Variants in IRAG1 observed in about 807,000 individuals in gnomAD.
The protein encoded by IRAG1 is inositol 1,4,5-triphosphate receptor associated 1.
Under a neutral mutation model 106.2 loss-of-function variants are expected in IRAG1, and 62 were observed. The observed-to-expected ratio is 0.58, with a 90% CI of 0.48 to 0.72. IRAG1 has a LOEUF of 0.72. Ranked by LOEUF, IRAG1 falls within the 30% of genes least tolerant of loss-of-function variation. The pLI, the probability that IRAG1 is intolerant of heterozygous loss-of-function variation, is 0.00. For synonymous variants in IRAG1, 462 were observed against 443.9 expected, an observed-to-expected ratio of 1.04 and a Z score of -0.51; for missense variants, 1,064 against 1,140.7, an observed-to-expected ratio of 0.93 and a Z score of 0.97.
chr11:10,634,753 T>TTGTGTGTGTGTGTGTGTGTGTGTGTG (rs57266330), intron 2 of IRAG1, among the ~76,000 whole-genome samples: 4 of 144,936 alleles, frequency 2.8e-5, no homozygotes, highest in South Asian at 4.6e-4. Flanking sequence ...AATAATATTC[T>TTGTGTGTGTGTGTGTGTGTGTGTGTG]TGTGTGTGTG....
chr11:10,589,746 C>T (rs1175893892), intron 18 of IRAG1, among the ~76,000 whole-genome samples: 1 of 152,162 alleles, frequency 6.6e-6, no homozygotes, highest in Non-Finnish European at 1.5e-5. Flanking sequence ...CCTTAATCCC[C>T]ACTCTGTCCA....
intron 16 of IRAG1, chr11:10,593,845 T>A: frequency 1.7e-6 from 1 of 573,058 alleles, no homozygotes; most frequent in Admixed American, 3.1e-5. Context: ...AGATACAGAA[T>A]GGAAATGACC....
intron 2 of IRAG1, 112 bp from the exon 3 acceptor site, chr11:10,634,183 G>A (rs1856956519): frequency 5.4e-6 from 3 of 552,938 alleles, no homozygotes; most frequent in Non-Finnish European, 9.7e-6. Flanking sequence ...TCTTGATAAG[G>A]GGACAAATGC....
At chr11:10,623,878 T>G in intron 9 of IRAG1, 22 bp from the exon 10 acceptor site, 2 of 1,605,616 alleles carry the variant, frequency 1.2e-6, no homozygotes, top group Admixed American at 1.7e-5. Flanking sequence ...AAGAAAGAGA[T>G]AACAATTTCA....
intron 12 of IRAG1, 35 bp downstream of exon 12, chr11:10,606,707 G>A: frequency 6.3e-7 from 1 of 1,580,740 alleles, no homozygotes; most frequent in South Asian, 1.2e-5. Flanking sequence ...GTCAAGCACG[G>A]GCACTAAATT....
Position 10,659,262 on chromosome 11 carries a change from G to A in IRAG1, c.68-7080C>T, listed in dbSNP as rs1859208955. ...TGTGCTGTGCTGAACAAGTGGGTAA[G>A]TGAGTGACTGAAGGGGGTACAGCCA... is the stretch of plus-strand genomic sequence containing the variant. On this transcript the variant is annotated intron_variant, in intron 1 of 20. Transcript: ENST00000423302. The surrounding 1 kb of genome is among the most constrained non-coding windows in gnomAD (Gnocchi z 4.1). Among the ~76,000 whole-genome samples, 1 of 152,212 alleles carries A rather than the reference G, an allele frequency of 6.6e-6. No homozygotes were observed. The highest frequency in any genetic ancestry group is 2.1e-4 in the South Asian group (1 of 4,834).
At chr11:10,622,274 A>C (rs574101015) in intron 10 of IRAG1, among the ~76,000 whole-genome samples, 3 of 152,184 alleles carry the variant, frequency 2.0e-5, no homozygotes, top group African/African-American at 7.2e-5. Flanking sequence ...GAGGAGGGAG[A>C]TAGCCCAGCA....
At position 10,693,716 on chromosome 11, in the gene IRAG1, T is replaced by C; in HGVS notation, c.-114A>G. ...GCTGGGACTTAGAGCCGAGAGCTCC[T>C]CTGGGAGCCCCACTCCGGCCTGGCT... On this transcript the variant is annotated 5_prime_UTR_variant, in exon 1 of 21. Coordinates refer to ENST00000423302, the MANE Select transcript of IRAG1 (RefSeq NM_130385.4). 1 of 1,261,248 alleles carries C rather than the reference T, an allele frequency of 7.9e-7. No homozygotes were observed. Among genetic ancestry groups the C allele is most frequent in the Non-Finnish European group, 1.1e-6 (1 of 914,032 alleles). 78.1% of individuals were successfully genotyped at this position (1,261,248 alleles called of 1,614,324 possible).
At chr11:10,629,982 G>A (rs1856563436) in intron 4 of IRAG1, 1 of 405,568 alleles carries the variant, frequency 2.5e-6, no homozygotes, top group Middle Eastern at 6.6e-4. Context: ...CTGTCAGGAA[G>A]GGAAGGCCAC....
At chr11:10,599,788 G>C (rs1230305651) in intron 15 of IRAG1, 1 of 152,138 alleles carries the variant, frequency 6.6e-6, no homozygotes. Flanking sequence ...CTGGTCCAAG[G>C]CACCAACCTC....
At chr11:10,688,492 G>T (rs1222803789) in intron 1 of IRAG1, among the ~76,000 whole-genome samples, 1 of 152,148 alleles carries the variant, frequency 6.6e-6, no homozygotes, top group African/African-American at 2.4e-5. Flanking sequence ...ATCAGCCACA[G>T]AACTCTCTGT....
chr11:10,675,752 T>C (rs1269547417), intron 1 of IRAG1, among the ~76,000 whole-genome samples: 2 of 152,210 alleles, frequency 1.3e-5, no homozygotes, highest in East Asian at 1.9e-4. Context: ...GACTGACAAA[T>C]GCCCCTTCAT....
In IRAG1 at chr11:10,638,602, A is replaced by C. The variant is rs143438323; in HGVS notation, c.226-4531T>G. ...GAAAGTTGCCTTTTTCATGTCTGTC[A>C]TATTTAGAGAATTTCTTTCTTGTAT... On this transcript the variant is annotated intron_variant, in intron 2 of 20. Transcript: ENST00000423302. Among the ~76,000 whole-genome samples the C allele has an allele frequency of 1.7e-3, 253 of 152,344 alleles. 1 individual carries two copies. The Middle Eastern group carries it at 0.017, about 10-fold the overall frequency.
In IRAG1 at chr11:10,593,531, T is replaced by C. The variant is rs1286172979; in HGVS notation, c.2136A>G (p.Gln712=). ...AGGGAATGGATGATGAGCTGGGAGT[T>C]TGGCCAGGCAGATTCAGGGCATTAA... is the stretch of plus-strand genomic sequence containing the variant. The part of the protein sequence containing the change: ...PKFNALNLPG[Q]TPSSSSIPSL... Residue 712 remains glutamine (Q), a synonymous_variant, in exon 17 of 21, where the codon CAA becomes CAG. Coordinates refer to ENST00000423302, the MANE Select transcript of IRAG1 (RefSeq NM_130385.4). 6.2e-7 allele frequency: 1 copy of C among 1,613,606 alleles called. No individual in the cohort carries two copies. Among genetic ancestry groups the C allele is most frequent in the East Asian group, 2.2e-5 (1 of 44,890 alleles).
At position 10,592,888 on chromosome 11, in the gene IRAG1, CAG is replaced by C. The variant is rs1192642525; in HGVS notation, c.2175+602_2175+603del. The stretch of plus-strand genomic sequence containing the variant: ...ACACACTCTTTTAAAAAGTACAAAA[CAG>C]AATTATACTGTTTATACACTAGGTT... On this transcript the variant is annotated intron_variant, in intron 17 of 20. Coordinates refer to ENST00000423302, the MANE Select transcript of IRAG1 (RefSeq NM_130385.4). Among the ~76,000 whole-genome samples the C allele has an allele frequency of 2.6e-5, 4 of 152,282 alleles. No individual in the cohort carries two copies. The East Asian group carries it at 7.7e-4, about 29-fold the overall frequency.
At chr11:10,616,098 C>G (rs112499715) in intron 10 of IRAG1, among the ~76,000 whole-genome samples, 2 of 150,544 alleles carry the variant, frequency 1.3e-5, no homozygotes, top group East Asian at 4.0e-4. Context: ...GAGGTCAGGA[C>G]ATCGAGACCA....
At chr11:10,622,012 G>C (rs763184439) in intron 10 of IRAG1, among the ~76,000 whole-genome samples, 32 of 152,086 alleles carry the variant, frequency 2.1e-4, no homozygotes, top group Non-Finnish European at 4.0e-4. Context: ...TGATGAAAAC[G>C]TTCTAGAAAT....
chr11:10,580,545 T>A lies in IRAG1; in HGVS notation c.2405A>T (p.Lys802Met), dbSNP rs766806284. The A allele has an allele frequency of 1.9e-6, 3 of 1,613,832 alleles. No individual in the cohort carries two copies. Among genetic ancestry groups the A allele is most frequent in the Non-Finnish European group, 2.5e-6 (3 of 1,179,856 alleles). ...LKKTKELQDLKEEEEEQKSES... is the reference protein window; with the variant it reads ...LKKTKELQDLMEEEEEQKSES... ...ACTCTTCTGTTCTTCCTCCTCCTCC[T>A]TCAGGTCTTGAAGTTCTTTGGTCTT... Residue 802 changes from lysine (K) to methionine (M), a missense_variant, in exon 20 of 21, where the codon AAG (lysine) becomes ATG (methionine). Lys to Met is a moderately conservative substitution (Grantham distance 95). Transcript: ENST00000423302.
rs1185707075 is a variant in IRAG1 at position 10,576,498 on chromosome 11, A to G, written c.2573T>C (p.Met858Thr). 1.9e-6 allele frequency: 3 copies of G among 1,614,042 alleles called. No homozygotes were observed. The South Asian group carries it at 3.3e-5, about 18-fold the overall frequency. Residue 858 changes from methionine (M) to threonine (T), a missense_variant, in exon 21 of 21, where the codon ATG (methionine) becomes ACG (threonine). By Grantham distance (81) the Met-to-Thr change is moderately conservative. Transcript: ENST00000423302. ...AGTCAAGACCAGCATCACTGCAGCC[A>G]TCATCCAGATCACTTGCCAGTGCTG... ...LCQHWQVIWM[M>T]AAVMLVLTVV... is the part of the protein sequence containing the mutation.
Sources: allele counts gnomAD v4.1 joint callset (sites outside exome capture counted in the v4.1 genomes callset), GRCh38; gene constraint gnomAD v4.1.1; non-coding constraint Gnocchi (gnomAD v3.1); transcripts MANE v1.5; gene names NCBI Gene and HGNC (gene_info 2026-07-23, HGNC 2026-07-21).